The following EPHB1 variants were observed in gnomAD, a reference collection of about 807,000 sequenced individuals.
EPHB1 encodes the protein EPH receptor B1.
EPHB1 carries 30 observed loss-of-function variants against 94.4 expected under a neutral mutation model. That is an observed-to-expected ratio of 0.32 (90% CI 0.24 to 0.43). EPHB1 has a LOEUF of 0.43. Among genes scored for constraint, EPHB1 ranks in the 20% least tolerant of loss-of-function variants. EPHB1 has a pLI of 1.00. For missense variants in EPHB1, 1,055 were observed against 1,308.3 expected (o/e 0.81, Z 2.99); for synonymous variants, 522 against 489.1 (o/e 1.07, Z -0.89).
intron 3 of EPHB1, among the ~76,000 whole-genome samples, chr3:135,073,895 A>G (rs1937815488): frequency 1.3e-5 from 2 of 152,124 alleles, no homozygotes; most frequent in South Asian, 4.1e-4. Flanking sequence ...TGTCCTCTGC[A>G]ATTTCTGTAA....
At chr3:135,192,447 A>C (rs985610287) in intron 10 of EPHB1, 129 bp from the exon 11 acceptor site, 5 of 1,002,660 alleles carry the variant, frequency 5.0e-6, no homozygotes, top group African/African-American at 2.3e-5. Flanking sequence ...ATGAGAGAAG[A>C]CTGTTTTAAT....
chr3:135,217,635 C>T (rs1370435481), intron 12 of EPHB1, among the ~76,000 whole-genome samples: 2 of 152,166 alleles, frequency 1.3e-5, no homozygotes, highest in Non-Finnish European at 2.9e-5. Flanking sequence ...CACAAACATT[C>T]CGAGTAGGCA....
chr3:135,207,631 G>A (rs1389717231), intron 12 of EPHB1, among the ~76,000 whole-genome samples: 2 of 152,194 alleles, frequency 1.3e-5, no homozygotes, highest in Non-Finnish European at 1.5e-5. Context: ...GTCTAGGAGG[G>A]CTTGCAGAGG....
intron 11 of EPHB1, among the ~76,000 whole-genome samples, chr3:135,194,378 T>A (rs1942540102): frequency 6.6e-6 from 1 of 152,238 alleles, no homozygotes; most frequent in East Asian, 1.9e-4. Context: ...GAAGAAGTTC[T>A]TAAATCTTCC....
chr3:135,203,785 C>G lies in EPHB1; in HGVS notation c.2346+2096C>G, dbSNP rs1942822666. 2.6e-5 allele frequency among the ~76,000 whole-genome samples: 4 copies of G among 152,138 alleles called. No homozygotes were observed. In the South Asian group the frequency reaches 8.3e-4, roughly 32 times the overall value. ...TTTGGATCATATTATGCCTATTCCT[C>G]TGTGATCTGGGGTGTCTTTTGGGCA... is the stretch of plus-strand genomic sequence containing the variant. On this transcript the variant is annotated intron_variant, in intron 12 of 15. Coordinates refer to ENST00000398015, the MANE Select transcript of EPHB1 (RefSeq NM_004441.5).
At chr3:135,068,167 G>A (rs186320546) in intron 3 of EPHB1, among the ~76,000 whole-genome samples, 5 of 152,192 alleles carry the variant, frequency 3.3e-5, no homozygotes, top group Admixed American at 6.5e-5. Context: ...CATGATGCAA[G>A]CCTCCATCCG....
Position 134,952,001 on chromosome 3 carries a change from C to T in EPHB1, c.754C>T (p.Arg252Ter), listed in dbSNP as rs2107716136. 6.2e-7 allele frequency: 1 copy of T among 1,613,538 alleles called. No homozygotes were observed. The highest frequency in any genetic ancestry group is 8.5e-7 in the Non-Finnish European group (1 of 1,179,640). ...GDGEWMVPIG[R>*]CTCKPGYEPE... ...TGGGGAATGGATGGTGCCTATTGGG[C>T]GATGCACCTGCAAGCCTGGCTATGA... The change falls in exon 3 of 16, where the codon CGA becomes TGA. Residue 252 changes from arginine (R) to a stop codon, truncating the protein, a stop_gained. Transcript: ENST00000398015. LOFTEE classifies it high-confidence loss of function.
intron 12 of EPHB1, among the ~76,000 whole-genome samples, chr3:135,237,453 C>G (rs1472724497): frequency 6.6e-6 from 1 of 152,126 alleles, no homozygotes; most frequent in Non-Finnish European, 1.5e-5. Flanking sequence ...TGTATGAAGT[C>G]TTGAAGGGAA....
At chr3:134,956,427 A>C (rs1246707533) in intron 3 of EPHB1, among the ~76,000 whole-genome samples, 3 of 152,120 alleles carry the variant, frequency 2.0e-5, no homozygotes, top group Non-Finnish European at 4.4e-5. Flanking sequence ...AATGCTATGC[A>C]TAATTCTCCC....
chr3:135,207,498 T>A (rs1942928606), intron 12 of EPHB1, among the ~76,000 whole-genome samples: 1 of 152,168 alleles, frequency 6.6e-6, no homozygotes, highest in Non-Finnish European at 1.5e-5. Flanking sequence ...CTCAGTTAAG[T>A]GAGGACTGGG....
chr3:135,212,530 A>G (rs1306671296), intron 12 of EPHB1, among the ~76,000 whole-genome samples: 1 of 152,018 alleles, frequency 6.6e-6, no homozygotes, highest in Non-Finnish European at 1.5e-5. Flanking sequence ...ATGGTTTTCA[A>G]TCCGTCTTAT....
intron 1 of EPHB1, among the ~76,000 whole-genome samples, chr3:134,797,095 G>T (rs1336934867): frequency 2.0e-5 from 3 of 152,222 alleles, no homozygotes; most frequent in Non-Finnish European, 4.4e-5. Context: ...GGCGGCGTGG[G>T]GGTGCGGCGA....
At chr3:134,871,576 A>G (rs1458850068) in intron 1 of EPHB1, among the ~76,000 whole-genome samples, 2 of 152,016 alleles carry the variant, frequency 1.3e-5, no homozygotes, top group Non-Finnish European at 2.9e-5. Flanking sequence ...ATTTACTATC[A>G]TTATTATTGC....
At chr3:135,070,414 G>T (rs1937665125) in intron 3 of EPHB1, among the ~76,000 whole-genome samples, 1 of 152,164 alleles carries the variant, frequency 6.6e-6, no homozygotes, top group Non-Finnish European at 1.5e-5. Context: ...GCTTGATCAT[G>T]TCAGAGGTAG....
At chr3:134,916,530 G>A (rs373474070) in intron 1 of EPHB1, among the ~76,000 whole-genome samples, 5 of 152,246 alleles carry the variant, frequency 3.3e-5, no homozygotes, top group South Asian at 2.1e-4. Context: ...AAGGCCTGGC[G>A]AGAATCGAGT....
intron 1 of EPHB1, among the ~76,000 whole-genome samples, chr3:134,885,394 G>A (rs2037842132): frequency 6.6e-6 from 1 of 152,226 alleles, no homozygotes; most frequent in South Asian, 2.1e-4. Context: ...AGAATGAAAA[G>A]CGATGAATGG....
intron 1 of EPHB1, among the ~76,000 whole-genome samples, chr3:134,906,040 G>A (rs897326514): frequency 6.6e-6 from 1 of 152,186 alleles, no homozygotes; most frequent in Non-Finnish European, 1.5e-5. Flanking sequence ...GCCCTTCTGA[G>A]CGCTCCCATG....
intron 3 of EPHB1, among the ~76,000 whole-genome samples, chr3:135,093,051 T>C (rs1019162567): frequency 2.0e-5 from 3 of 152,226 alleles, no homozygotes; most frequent in African/African-American, 7.2e-5. Flanking sequence ...TCCGTGTCAA[T>C]GGACTTCTTC....
At chr3:134,988,067 T>A (rs912974720) in intron 3 of EPHB1, among the ~76,000 whole-genome samples, 4 of 152,160 alleles carry the variant, frequency 2.6e-5, no homozygotes, top group African/African-American at 4.8e-5. Context: ...CAAGGTCAAA[T>A]AGAAATCATG....
Sources: allele counts gnomAD v4.1 joint callset (sites outside exome capture counted in the v4.1 genomes callset), GRCh38; gene constraint gnomAD v4.1.1; transcripts MANE v1.5; gene names NCBI Gene and HGNC (gene_info 2026-07-23, HGNC 2026-07-21).